The following PDE4B variants were observed in gnomAD, a reference collection of about 807,000 sequenced individuals.
PDE4B encodes phosphodiesterase 4B, also known as 3',5'-cyclic-AMP phosphodiesterase 4B.
Under a neutral mutation model 82.2 loss-of-function variants are expected in PDE4B, and 20 were observed. The observed-to-expected ratio is 0.24, with a 90% CI of 0.17 to 0.35. The LOEUF (loss-of-function observed/expected upper bound fraction) is 0.35. Ranked by LOEUF, PDE4B falls within the 10% of genes least tolerant of loss-of-function variation. The pLI, the probability that PDE4B is intolerant of heterozygous loss-of-function variation, is 1.00. For synonymous variants in PDE4B, 320 were observed against 318.9 expected, an observed-to-expected ratio of 1.00 and a Z score of -0.04; for missense variants, 655 against 907.2, an observed-to-expected ratio of 0.72 and a Z score of 3.57.
rs553272509 is a variant in PDE4B at position 65,873,278 on chromosome 1, A to C, written c.-70-39967A>C. 5.3e-5 allele frequency among the ~76,000 whole-genome samples: 8 copies of C among 152,308 alleles called. No homozygotes were observed. In the South Asian group the frequency reaches 1.7e-3, roughly 32 times the overall value. ...AAGGGAAGTTGGGACTGGCTCAAGC[A>C]CAAGATAGAACTCGGGAAGTAAGAT... On this transcript the variant is annotated intron_variant, in intron 1 of 16. Transcript: ENST00000341517.
chr1:65,818,479 A>C (rs140919947), intron 1 of PDE4B, among the ~76,000 whole-genome samples: 8 of 152,002 alleles, frequency 5.3e-5, no homozygotes, highest in Non-Finnish European at 1.2e-4. Context: ...TACCTGGCAG[A>C]GTAATCTATT....
At chr1:66,009,649 G>T (rs1051472475) in intron 3 of PDE4B, among the ~76,000 whole-genome samples, 2 of 152,000 alleles carry the variant, frequency 1.3e-5, no homozygotes, top group African/African-American at 4.8e-5. Flanking sequence ...CAAGACCTCG[G>T]CCTTTTCTTG....
At chr1:65,807,580 A>G (rs937463695) in intron 1 of PDE4B, among the ~76,000 whole-genome samples, 2 of 152,238 alleles carry the variant, frequency 1.3e-5, no homozygotes, top group African/African-American at 4.8e-5. Context: ...TGGTTTCACC[A>G]ACTGTCGATT....
intron 3 of PDE4B, among the ~76,000 whole-genome samples, chr1:65,973,092 A>G (rs1041668879): frequency 3.9e-5 from 6 of 152,006 alleles, no homozygotes; most frequent in Non-Finnish European, 7.4e-5. Flanking sequence ...CAATATTAGG[A>G]AAAAAAATCA....
At chr1:66,213,130 G>A (rs1458698203) in intron 3 of PDE4B, among the ~76,000 whole-genome samples, 1 of 151,892 alleles carries the variant, frequency 6.6e-6, no homozygotes, top group African/African-American at 2.4e-5. Flanking sequence ...TTCTTTATGT[G>A]TCATTAAACT....
chr1:66,312,157 T>C (rs1658719637), intron 7 of PDE4B, among the ~76,000 whole-genome samples: 2 of 152,240 alleles, frequency 1.3e-5, no homozygotes, highest in Non-Finnish European at 2.9e-5. Context: ...CCTACTCTTT[T>C]CATCTAAATG....
intron 3 of PDE4B, among the ~76,000 whole-genome samples, chr1:66,029,796 A>C (rs1178563813): frequency 2.6e-5 from 4 of 152,158 alleles, no homozygotes; most frequent in Non-Finnish European, 4.4e-5. Flanking sequence ...TGAATTTAGG[A>C]TGAATTTGAT....
At chr1:66,210,067 A>C (rs1434890385) in intron 3 of PDE4B, among the ~76,000 whole-genome samples, 2 of 152,158 alleles carry the variant, frequency 1.3e-5, no homozygotes, top group Non-Finnish European at 2.9e-5. Flanking sequence ...GGATTCTCTG[A>C]TTGTTCTTCA....
intron 3 of PDE4B, among the ~76,000 whole-genome samples, chr1:66,211,881 T>C (rs143785311): frequency 4.6e-5 from 7 of 152,334 alleles, no homozygotes; most frequent in Admixed American, 4.6e-4. Flanking sequence ...CTGGCGGATA[T>C]TCTTACCCAG....
intron 3 of PDE4B, among the ~76,000 whole-genome samples, chr1:66,131,495 A>T (rs932305974): frequency 6.7e-6 from 1 of 149,524 alleles, no homozygotes; most frequent in Non-Finnish European, 1.5e-5. Context: ...GAAAATGAGT[A>T]CTTATATTAA....
chr1:65,994,309 T>C (rs949056704), intron 3 of PDE4B, among the ~76,000 whole-genome samples: 1 of 152,194 alleles, frequency 6.6e-6, no homozygotes, highest in African/African-American at 2.4e-5. Context: ...AGATACCACA[T>C]GCTTAGCCAA....
intron 7 of PDE4B, among the ~76,000 whole-genome samples, chr1:66,274,342 T>C (rs541659800): frequency 6.7e-6 from 1 of 148,654 alleles, no homozygotes; most frequent in African/African-American, 2.5e-5. Context: ...TTTTTTTTTT[T>C]ATATATTTTT....
At chr1:65,992,681 AT>A in intron 3 of PDE4B, 2 of 1,272,078 alleles carry the variant, frequency 1.6e-6, no homozygotes, top group Non-Finnish European at 9.9e-7. Context: ...ACTTTGGCGC[AT>A]TTTCAGAGGC....
chr1:66,248,747 G>T (rs1653521144), intron 4 of PDE4B, among the ~76,000 whole-genome samples: 1 of 152,184 alleles, frequency 6.6e-6, no homozygotes, highest in African/African-American at 2.4e-5. Flanking sequence ...TGTGCATGCT[G>T]TCAGGGAGGT....
Position 66,218,654 on chromosome 1 carries a change from C to T in PDE4B, c.282-28806C>T, listed in dbSNP as rs146709254. 4.3e-3 allele frequency among the ~76,000 whole-genome samples: 654 copies of T among 152,198 alleles called. 4 individuals carry two copies. The highest frequency in any genetic ancestry group is 0.017 in the South Asian group (81 of 4,824). ...TAATCTTTCCATGACCCCTCTGGGA[C>T]CTCTTTCCCACCCTTCAGAAATGCT... On this transcript the variant is annotated intron_variant, in intron 3 of 16. Transcript: ENST00000341517.
At chr1:65,906,772 C>T (rs1240928034) in intron 1 of PDE4B, among the ~76,000 whole-genome samples, 1 of 152,102 alleles carries the variant, frequency 6.6e-6, no homozygotes, top group Non-Finnish European at 1.5e-5. Flanking sequence ...TAGTAATTTA[C>T]AAAGAATGTA....
chr1:66,050,607 A>G (rs1392403695), intron 3 of PDE4B: 3 of 152,146 alleles, frequency 2.0e-5, no homozygotes, highest in Admixed American at 1.3e-4. Context: ...GCCATGCTCT[A>G]CTTTAAAAGC....
chr1:66,269,398 G>A (rs1234545879), intron 7 of PDE4B, among the ~76,000 whole-genome samples: 2 of 152,130 alleles, frequency 1.3e-5, no homozygotes, highest in Non-Finnish European at 2.9e-5. Context: ...TAGGGGTGTC[G>A]AAAATGCCAA....
chr1:66,282,314 CTT>C (rs1465421168), intron 7 of PDE4B, among the ~76,000 whole-genome samples: 1 of 152,154 alleles, frequency 6.6e-6, no homozygotes, highest in Non-Finnish European at 1.5e-5. Context: ...CCCTGAAAGA[CTT>C]TTGGGTTTTG....
Sources: gnomAD v4.1 joint callset for allele counts (sites outside exome capture counted in the v4.1 genomes callset) on GRCh38, gnomAD v4.1.1 for gene constraint, MANE v1.5 for transcripts, NCBI Gene and HGNC (gene_info 2026-07-23, HGNC 2026-07-21) for gene names.